Variants in KIAA0753 observed in about 807,000 individuals in gnomAD.
KIAA0753 encodes the protein KIAA0753, also known as protein moonraker.
KIAA0753 carries 114 observed loss-of-function variants against 116.9 expected under a neutral mutation model. That is an observed-to-expected ratio of 0.98 (90% CI 0.84 to 1.14). The LOEUF (loss-of-function observed/expected upper bound fraction) is 1.14, where lower values mean the gene tolerates loss of function less well. Ranked by LOEUF, KIAA0753 falls within the 50% of genes most tolerant of loss-of-function variation. KIAA0753 has a pLI of 0.00. For synonymous variants in KIAA0753, 405 were observed against 413.1 expected (o/e 0.98, Z 0.24); for missense variants, 1,156 against 1,172.4 (o/e 0.99, Z 0.20).
chr17:6,632,789 T>C (rs999983036), intron 2 of KIAA0753, among the ~76,000 whole-genome samples: 1 of 152,182 alleles, frequency 6.6e-6, no homozygotes, highest in Non-Finnish European at 1.5e-5. Context: ...ATTACCTGAA[T>C]GTAACTGTGA....
intron 16 of KIAA0753, among the ~76,000 whole-genome samples, chr17:6,593,043 G>A (rs1197665666): frequency 6.6e-6 from 1 of 152,032 alleles, no homozygotes; most frequent in Non-Finnish European, 1.5e-5. Context: ...TTAAAAAGGT[G>A]AAATTTAAGT....
intron 14 of KIAA0753, among the ~76,000 whole-genome samples, chr17:6,597,633 T>G (rs1301015075): frequency 6.6e-6 from 1 of 152,252 alleles, no homozygotes; most frequent in Non-Finnish European, 1.5e-5. Flanking sequence ...TGGAAAAATA[T>G]ATACTTCATG....
At chr17:6,625,893 G>C (rs1971636575) in intron 3 of KIAA0753, among the ~76,000 whole-genome samples, 1 of 152,026 alleles carries the variant, frequency 6.6e-6, no homozygotes, top group African/African-American at 2.4e-5. Context: ...GTAGAGACAA[G>C]GTTTTGGCCT....
intron 7 of KIAA0753, among the ~76,000 whole-genome samples, chr17:6,616,627 C>T (rs898032525): frequency 6.6e-6 from 1 of 152,122 alleles, no homozygotes; most frequent in Non-Finnish European, 1.5e-5. Flanking sequence ...GAGTTCGAGA[C>T]CCGACCAACC....
chr17:6,628,039 G>A (rs948215550), intron 3 of KIAA0753, 78 bp downstream of exon 3: 3 of 1,360,106 alleles, frequency 2.2e-6, no homozygotes, highest in African/African-American at 1.5e-5. Flanking sequence ...TATAGGGGTT[G>A]AGGGTCCTCA....
intron 18 of KIAA0753, among the ~76,000 whole-genome samples, chr17:6,580,400 C>T (rs1293361690): frequency 6.6e-6 from 1 of 151,072 alleles, no homozygotes; most frequent in African/African-American, 2.4e-5. Flanking sequence ...CTGCAAGCTC[C>T]GCCTCCCGGG....
chr17:6,623,240 T>TGTA (rs770129747), intron 5 of KIAA0753, 143 bp from the exon 6 acceptor site: 1 of 884,872 alleles, frequency 1.1e-6, no homozygotes, highest in Non-Finnish European at 1.7e-6. Context: ...TAAAGGGAGT[T>TGTA]GTAAAGTTTA....
intron 7 of KIAA0753, among the ~76,000 whole-genome samples, chr17:6,618,096 C>T (rs906900082): frequency 3.3e-5 from 5 of 151,570 alleles, no homozygotes; most frequent in Non-Finnish European, 5.9e-5. Flanking sequence ...GAGCGAGACT[C>T]GGTCTCAAAA....
At position 6,624,789 on chromosome 17, in the gene KIAA0753, C is replaced by T. The variant is rs745768903; in HGVS notation, c.791G>A (p.Arg264His). 1.1e-5 allele frequency: 17 copies of T among 1,562,812 alleles called. No individual in the cohort carries two copies. The highest frequency in any genetic ancestry group is 9.5e-5 in the Admixed American group (5 of 52,590). Residue 264 changes from arginine to histidine, a missense_variant, in exon 4 of 19, where the codon CGC (arginine) becomes CAC (histidine). Arg to His is a conservative substitution (Grantham distance 29). Coordinates refer to ENST00000361413, the MANE Select transcript of KIAA0753 (RefSeq NM_014804.3). ...IRIRRQEQAA[R>H]SARMLYVLQQ... ...GAGGACGTAGAGCATTCGGGCAGAG[C>T]GAGCAGCTTGCTCCTGTCTCCTGAT...
chr17:6,584,167 C>T (rs1315591221), intron 18 of KIAA0753, among the ~76,000 whole-genome samples: 1 of 152,234 alleles, frequency 6.6e-6, no homozygotes, highest in Non-Finnish European at 1.5e-5. Flanking sequence ...ATTCCAGCCT[C>T]TGTCCTCTGT....
intron 18 of KIAA0753, among the ~76,000 whole-genome samples, chr17:6,587,706 G>A (rs1968682265): frequency 6.6e-6 from 1 of 152,202 alleles, no homozygotes; most frequent in South Asian, 2.1e-4. Context: ...ATACTTTGAA[G>A]GGTACTATCA....
intron 1 of KIAA0753, 71 bp from the exon 2 acceptor site, chr17:6,635,242 C>T (rs1050316475): frequency 3.2e-6 from 2 of 616,456 alleles, no homozygotes; most frequent in Non-Finnish European, 5.9e-6. Flanking sequence ...AACACAGTGC[C>T]ATGTGCATGT....
At chr17:6,618,157 C>T (rs1971062290) in intron 7 of KIAA0753, among the ~76,000 whole-genome samples, 5 of 151,982 alleles carry the variant, frequency 3.3e-5, no homozygotes, top group African/African-American at 9.7e-5. Flanking sequence ...TGGGGAGCTC[C>T]CAGGATGGTG....
At chr17:6,621,561 C>G (rs1452908355) in intron 6 of KIAA0753, among the ~76,000 whole-genome samples, 1 of 152,132 alleles carries the variant, frequency 6.6e-6, no homozygotes, top group African/African-American at 2.4e-5. Flanking sequence ...GACAACTGAA[C>G]ACGGTCAGGA....
intron 15 of KIAA0753, 54 bp downstream of exon 15, chr17:6,596,104 C>T: frequency 6.5e-7 from 1 of 1,548,162 alleles, no homozygotes; most frequent in Non-Finnish European, 8.8e-7. Context: ...AGAAATTGCA[C>T]TCGGCAGAGG....
intron 12 of KIAA0753, among the ~76,000 whole-genome samples, chr17:6,605,088 G>GAAAAAAAAAAAAAAAAAAAAAAAA (rs35631503): frequency 1.3e-5 from 1 of 75,832 alleles, no homozygotes. Flanking sequence ...TCTCTAACTT[G>GAAAAAAAAAAAAAAAAAAAAAAAA]AAAAAAAAAA....
At chr17:6,610,207 A>T in intron 8 of KIAA0753, 47 bp from the exon 9 acceptor site, 1 of 1,588,512 alleles carries the variant, frequency 6.3e-7, no homozygotes, top group Non-Finnish European at 8.6e-7. Flanking sequence ...ATACCAAAGA[A>T]ACTATGGTTT....
At chr17:6,580,732 T>C (rs1185168463) in intron 18 of KIAA0753, among the ~76,000 whole-genome samples, 1 of 152,136 alleles carries the variant, frequency 6.6e-6, no homozygotes, top group Admixed American at 6.5e-5. Context: ...ATACACAGGA[T>C]GGACTTCATC....
At chr17:6,604,687 C>G (rs1465510424) in intron 12 of KIAA0753, among the ~76,000 whole-genome samples, 4 of 151,764 alleles carry the variant, frequency 2.6e-5, no homozygotes, top group Non-Finnish European at 5.9e-5. Flanking sequence ...CATGAGGGCT[C>G]CTTGGGGGTG....
Sources: allele counts gnomAD v4.1 joint callset (sites outside exome capture counted in the v4.1 genomes callset), GRCh38; gene constraint gnomAD v4.1.1; transcripts MANE v1.5; gene names NCBI Gene and HGNC (gene_info 2026-07-23, HGNC 2026-07-21).